Variants in LHCGR observed in about 807,000 individuals in gnomAD.
LHCGR encodes luteinizing hormone/choriogonadotropin receptor, also known as lutropin-choriogonadotropic hormone receptor.
LHCGR carries 55 observed loss-of-function variants against 60.7 expected under a neutral mutation model. The observed-to-expected ratio is 0.91, with a 90% CI of 0.73 to 1.13. The LOEUF (loss-of-function observed/expected upper bound fraction) is 1.13, where lower values mean the gene tolerates loss of function less well. Ranked by LOEUF, LHCGR falls within the 50% of genes most tolerant of loss-of-function variation. LHCGR has a pLI of 0.00. For synonymous variants in LHCGR, 337 were observed against 316.5 expected, an observed-to-expected ratio of 1.06 and a Z score of -0.69; for missense variants, 862 against 836.0, an observed-to-expected ratio of 1.03 and a Z score of -0.38.
At chr2:48,721,609 CACCAAGGAT>C in intron 6 of LHCGR, 1 of 453,946 alleles carries the variant, frequency 2.2e-6, no homozygotes, top group East Asian at 7.0e-5. Flanking sequence ...AAAGGCAGTG[CACCAAGGAT>C]ACCAATTTTT....
At chr2:48,722,499 C>G (rs1032047955) in intron 6 of LHCGR, among the ~76,000 whole-genome samples, 3 of 152,124 alleles carry the variant, frequency 2.0e-5, no homozygotes, top group Non-Finnish European at 4.4e-5. Flanking sequence ...GGGGTGGTTT[C>G]TCATGGATGG....
At chr2:48,696,892 C>T (rs12468825) in intron 9 of LHCGR, among the ~76,000 whole-genome samples, 16,038 of 152,220 alleles carry the variant, frequency 0.11, 1,176 homozygotes, top group African/African-American at 0.2. Context: ...AGAATCAGCT[C>T]TATCATAAAC....
intron 1 of LHCGR, among the ~76,000 whole-genome samples, chr2:48,738,799 T>A (rs932094371): frequency 2.0e-5 from 3 of 152,248 alleles, no homozygotes; most frequent in African/African-American, 7.2e-5. Context: ...TTTGTATTGA[T>A]AACATATTGA....
intron 1 of LHCGR, among the ~76,000 whole-genome samples, chr2:48,748,071 C>G (rs189584692): frequency 6.6e-6 from 1 of 152,066 alleles, no homozygotes; most frequent in Non-Finnish European, 1.5e-5. Context: ...CCTCTGAGGC[C>G]TCTTTGTTAC....
rs573776522 is a variant in LHCGR, at chr2:48,708,758, T to G, written c.680+190A>C. ...CAGAACCATAAGACAAAATTTCTGT[T>G]GTCTAAGCCTCTCGGTTTGGGGTAC... is the stretch of plus-strand genomic sequence containing the variant. On this transcript the variant is annotated intron_variant, in intron 8 of 10. Coordinates refer to ENST00000294954, the MANE Select transcript of LHCGR (RefSeq NM_000233.4). The G allele has an allele frequency of 8.4e-5, 53 of 630,010 alleles. No individual in the cohort carries two copies. In the South Asian group the frequency reaches 9.4e-4, roughly 11 times the overall value. The allele number at this position is 630,010 out of a possible 1,614,324, so 39.0% of individuals were successfully genotyped here. A position where few individuals can be genotyped will look rare whatever the true frequency, so the allele number is the denominator to read the frequency against.
chr2:48,696,341 C>T (rs931747357), intron 9 of LHCGR, among the ~76,000 whole-genome samples: 1 of 152,216 alleles, frequency 6.6e-6, no homozygotes, highest in African/African-American at 2.4e-5. Context: ...GAAGGGACTA[C>T]TTCCAAAAGG....
chr2:48,694,141 C>G (rs1415528624), intron 10 of LHCGR, 83 bp downstream of exon 10: 1 of 898,066 alleles, frequency 1.1e-6, no homozygotes, highest in Non-Finnish European at 1.8e-6. Context: ...AGACTTGTAT[C>G]AAAAGAAAAT....
At chr2:48,698,985 G>A (rs1053722006) in intron 8 of LHCGR, among the ~76,000 whole-genome samples, 185 bp from the exon 9 acceptor site, 1 of 152,010 alleles carries the variant, frequency 6.6e-6, no homozygotes, top group Non-Finnish European at 1.5e-5. Context: ...GGGACTACAG[G>A]CGCCCGCTAC....
intron 8 of LHCGR, among the ~76,000 whole-genome samples, chr2:48,706,079 G>T (rs1667651772): frequency 6.6e-6 from 1 of 152,146 alleles, no homozygotes; most frequent in South Asian, 2.1e-4. Context: ...GGTCTTGTAT[G>T]GCAGGCCTGG....
intron 7 of LHCGR, among the ~76,000 whole-genome samples, chr2:48,713,630 G>A (rs1668103941): frequency 6.6e-6 from 1 of 152,150 alleles, no homozygotes; most frequent in Non-Finnish European, 1.5e-5. Flanking sequence ...TGATTTCTCT[G>A]CAGTGGGGCC....
At chr2:48,717,004 T>C (rs1668277936) in intron 6 of LHCGR, among the ~76,000 whole-genome samples, 1 of 152,200 alleles carries the variant, frequency 6.6e-6, no homozygotes, top group Non-Finnish European at 1.5e-5. Flanking sequence ...TTGAGAACCT[T>C]TGCCCTAGGG....
intron 8 of LHCGR, among the ~76,000 whole-genome samples, chr2:48,707,884 G>A (rs1667773965): frequency 6.6e-6 from 1 of 152,194 alleles, no homozygotes; most frequent in Non-Finnish European, 1.5e-5. Context: ...CATGGGAAAA[G>A]CACAGTATTT....
chr2:48,690,819 T>A (rs1034123073), intron 10 of LHCGR, among the ~76,000 whole-genome samples: 10 of 152,236 alleles, frequency 6.6e-5, no homozygotes. Flanking sequence ...CATGTCTATC[T>A]TCTTTAATTG....
At chr2:48,691,103 A>G in intron 10 of LHCGR, among the ~76,000 whole-genome samples, 1 of 152,224 alleles carries the variant, frequency 6.6e-6, no homozygotes, top group East Asian at 1.9e-4. Context: ...TTTTTGTGTC[A>G]AGGCCATTAC....
intron 7 of LHCGR, among the ~76,000 whole-genome samples, chr2:48,711,449 G>A (rs1414605811): frequency 1.3e-5 from 2 of 152,176 alleles, no homozygotes; most frequent in Non-Finnish European, 2.9e-5. Context: ...ATGAAATTAA[G>A]TTTGTTCTTG....
intron 8 of LHCGR, among the ~76,000 whole-genome samples, chr2:48,700,870 G>A (rs1040559359): frequency 1.3e-5 from 2 of 152,144 alleles, no homozygotes; most frequent in African/African-American, 2.4e-5. Context: ...GATTGACAAC[G>A]ACAGAAGTTA....
chr2:48,749,145 T>C (rs776128083), intron 1 of LHCGR, among the ~76,000 whole-genome samples: 6 of 152,226 alleles, frequency 3.9e-5, no homozygotes, highest in Non-Finnish European at 8.8e-5. Flanking sequence ...TTTCTGAATT[T>C]GGCTGAGGTG....
At chr2:48,691,324 T>C (rs1165508796) in intron 10 of LHCGR, among the ~76,000 whole-genome samples, 2 of 152,112 alleles carry the variant, frequency 1.3e-5, no homozygotes, top group East Asian at 1.9e-4. Context: ...AAAGAAAATA[T>C]GTTAGAGTAT....
Position 48,755,594 on chromosome 2 carries a change from G to T in LHCGR, c.78C>A (p.Arg26=), listed in dbSNP as rs1319934142. 1 of 1,537,638 alleles carries T rather than the reference G, an allele frequency of 6.5e-7. No homozygotes were observed. Among genetic ancestry groups the T allele is most frequent in the Non-Finnish European group, 8.7e-7 (1 of 1,145,168 alleles). Residue 26 remains arginine, a synonymous_variant, in exon 1 of 11, where the codon CGC becomes CGA. Coordinates refer to ENST00000294954, the MANE Select transcript of LHCGR (RefSeq NM_000233.4). ...TGCAGGGCTCAGGGCAGAGCGCCTC[G>T]CGCAGCGCTCGTGGCAGCGGCGGCT... ...LLQPPLPRAL[R]EALCPEPCNC...
Sources: allele counts gnomAD v4.1 joint callset (sites outside exome capture counted in the v4.1 genomes callset), GRCh38; gene constraint gnomAD v4.1.1; transcripts MANE v1.5; gene names NCBI Gene and HGNC (gene_info 2026-07-23, HGNC 2026-07-21).